Variants in ANKRD44 observed in about 807,000 individuals in gnomAD.
ANKRD44 encodes the protein ankyrin repeat domain 44.
ANKRD44 carries 35 observed loss-of-function variants against 116.0 expected under a neutral mutation model. That is an observed-to-expected ratio of 0.30 (90% CI 0.23 to 0.40). ANKRD44 has a LOEUF of 0.40. Among genes scored for constraint, ANKRD44 ranks in the 10% least tolerant of loss-of-function variants. The pLI, the probability that ANKRD44 is intolerant of heterozygous loss-of-function variation, is 1.00. For synonymous variants in ANKRD44, 435 were observed against 461.8 expected (o/e 0.94, Z 0.74); for missense variants, 1,014 against 1,242.6 (o/e 0.82, Z 2.77).
At chr2:197,271,656 G>C (rs953827245) in intron 1 of ANKRD44, among the ~76,000 whole-genome samples, 2 of 152,170 alleles carry the variant, frequency 1.3e-5, no homozygotes, top group African/African-American at 2.4e-5. Context: ...TTGTTTTTGA[G>C]ACAGGGTCTC....
intron 16 of ANKRD44, among the ~76,000 whole-genome samples, chr2:197,057,572 G>C (rs1328126946): frequency 1.3e-5 from 2 of 151,886 alleles, no homozygotes; most frequent in Non-Finnish European, 2.9e-5. Context: ...AGCTCTTTTT[G>C]CTTCTACCTA....
At chr2:197,280,933 G>C (rs968071947) in intron 1 of ANKRD44, among the ~76,000 whole-genome samples, 11 of 151,584 alleles carry the variant, frequency 7.3e-5, no homozygotes, top group Admixed American at 7.2e-4. Flanking sequence ...TGGTCAGTGG[G>C]GCCCAAAAAA....
intron 18 of ANKRD44, among the ~76,000 whole-genome samples, chr2:197,011,351 C>G (rs1378308892): frequency 6.6e-6 from 1 of 152,196 alleles, no homozygotes; most frequent in Non-Finnish European, 1.5e-5. Flanking sequence ...AAAAAATTAT[C>G]TAACTTCATA....
chr2:197,276,350 T>C (rs556299929), intron 1 of ANKRD44, among the ~76,000 whole-genome samples: 1 of 151,320 alleles, frequency 6.6e-6, no homozygotes, highest in Non-Finnish European at 1.5e-5. Flanking sequence ...CTAAAAATGA[T>C]GACTCTTACA....
At chr2:197,046,566 A>C (rs1300516993) in intron 16 of ANKRD44, among the ~76,000 whole-genome samples, 1 of 152,088 alleles carries the variant, frequency 6.6e-6, no homozygotes, top group Non-Finnish European at 1.5e-5. Flanking sequence ...TCTTTCATTA[A>C]AAAGAGCTCC....
chr2:197,260,836 A>G (rs1378935053), intron 1 of ANKRD44, among the ~76,000 whole-genome samples: 1 of 103,972 alleles, frequency 9.6e-6, no homozygotes, highest in Non-Finnish European at 2.0e-5. Context: ...ATGGCCAGTG[A>G]TGATGAGCAT....
chr2:197,218,684 G>A (rs890830950), intron 1 of ANKRD44, among the ~76,000 whole-genome samples: 4 of 149,318 alleles, frequency 2.7e-5, no homozygotes, highest in Non-Finnish European at 5.9e-5. Flanking sequence ...GACTGCCCAA[G>A]GGATAGAGAA....
chr2:197,300,385 TC>T (rs1453620946), intron 1 of ANKRD44, among the ~76,000 whole-genome samples: 1 of 152,170 alleles, frequency 6.6e-6, no homozygotes, highest in Non-Finnish European at 1.5e-5. Context: ...ATCATTCCCT[TC>T]CTCAAGTACC....
intron 21 of ANKRD44, 41 bp from the exon 22 acceptor site, chr2:197,001,881 A>T: frequency 1.3e-6 from 2 of 1,520,686 alleles, no homozygotes; most frequent in Non-Finnish European, 9.0e-7. Context: ...TCCAAGAAAG[A>T]AATTTTGTTC....
chr2:197,230,781 G>A (rs755116803), intron 1 of ANKRD44, among the ~76,000 whole-genome samples: 5 of 152,038 alleles, frequency 3.3e-5, no homozygotes, highest in Non-Finnish European at 7.4e-5. Context: ...CGGGGCCTCG[G>A]GTCTCTTCTT....
intron 1 of ANKRD44, among the ~76,000 whole-genome samples, chr2:197,294,305 G>T (rs2083654368): frequency 6.6e-6 from 1 of 152,062 alleles, no homozygotes. Flanking sequence ...GTCAACACGT[G>T]TCATCTTTCA....
intron 7 of ANKRD44, among the ~76,000 whole-genome samples, chr2:197,121,777 T>G (rs2579399): frequency 0.64 from 96,603 of 152,108 alleles, 34,199 homozygotes; most frequent in East Asian, 0.95. Context: ...AGAAGTTTCA[T>G]CCTGGGGAGA....
intron 21 of ANKRD44, among the ~76,000 whole-genome samples, chr2:196,981,135 G>A (rs1437614969): frequency 6.6e-6 from 1 of 152,052 alleles, no homozygotes; most frequent in Non-Finnish European, 1.5e-5. Context: ...CACCAACTCT[G>A]GGGCTACAAT....
chr2:197,265,630 A>G (rs2697276), intron 1 of ANKRD44, among the ~76,000 whole-genome samples: 27,054 of 152,056 alleles, frequency 0.18, 2,531 homozygotes, highest in Middle Eastern at 0.28. Flanking sequence ...AAATGACAGA[A>G]CATTTTGTTT....
intron 16 of ANKRD44, among the ~76,000 whole-genome samples, chr2:197,044,732 C>G (rs558959056): frequency 6.6e-6 from 1 of 152,102 alleles, no homozygotes; most frequent in African/African-American, 2.4e-5. Context: ...ATTCTAACAA[C>G]ACACCAAGCA....
intron 16 of ANKRD44, among the ~76,000 whole-genome samples, chr2:197,060,193 A>C (rs983605284): frequency 6.6e-6 from 1 of 151,898 alleles, no homozygotes; most frequent in Non-Finnish European, 1.5e-5. Context: ...TAACATGCCA[A>C]CTCCCACTGA....
At position 197,088,778 on chromosome 2, in the gene ANKRD44, C is replaced by T; in HGVS notation, c.1184-4G>A. ...TCTGGGGTGTCTATTTCAAAGCCTG[C>T]AGACAGCACGTGCTCATTACTAAAC... On this transcript the variant is annotated splice_region_variant and splice_polypyrimidine_tract_variant and intron_variant, in intron 11 of 27. Coordinates refer to ENST00000282272, the MANE Select transcript of ANKRD44 (RefSeq NM_001195144.2). 6.2e-7 allele frequency: 1 copy of T among 1,612,666 alleles called. No homozygotes were observed. The highest frequency in any genetic ancestry group is 1.7e-5 in the Admixed American group (1 of 59,894).
At chr2:196,998,227 T>G (rs999741141) in intron 25 of ANKRD44, 110 bp downstream of exon 25, 7 of 791,746 alleles carry the variant, frequency 8.8e-6, no homozygotes, top group Non-Finnish European at 1.4e-5. Context: ...TGGGAAAATG[T>G]ACATCTTAAT....
chr2:197,041,876 A>G (rs1212465297), intron 16 of ANKRD44, among the ~76,000 whole-genome samples: 1 of 152,224 alleles, frequency 6.6e-6, no homozygotes, highest in Admixed American at 6.5e-5. Flanking sequence ...AGAGCACATG[A>G]ATCTAATCTA....
Sources: allele counts gnomAD v4.1 joint callset (sites outside exome capture counted in the v4.1 genomes callset), GRCh38; gene constraint gnomAD v4.1.1; transcripts MANE v1.5; gene names NCBI Gene and HGNC (gene_info 2026-07-23, HGNC 2026-07-21).